SCAMP3: variants seen among roughly 807,000 people sequenced by gnomAD.
SCAMP3 encodes the protein secretory carrier-associated membrane protein 3.
Under a neutral mutation model 44.1 loss-of-function variants are expected in SCAMP3, and 30 were observed. The observed-to-expected ratio is 0.68, with a 90% CI of 0.51 to 0.92. SCAMP3 has a LOEUF of 0.92. Ranked by LOEUF, SCAMP3 falls within the 40% of genes least tolerant of loss-of-function variation. The pLI is 0.00. For synonymous variants in SCAMP3, 168 were observed against 171.1 expected, an observed-to-expected ratio of 0.98 and a Z score of 0.14; for missense variants, 394 against 440.0, an observed-to-expected ratio of 0.90 and a Z score of 0.93.
chr1:155,256,462 T>C (rs1672799405), intron 8 of SCAMP3, 43 bp from the exon 9 acceptor site: 4 of 1,553,198 alleles, frequency 2.6e-6, no homozygotes, highest in Middle Eastern at 1.8e-4. Context: ...TTCCAGCCAC[T>C]GGTTCCCCAC....
rs776247433 is a variant in SCAMP3, at chr1:155,257,275, C to T, written c.779+10G>A. ...AGGGAAAGGTGAGGGTGGATAACAG[C>T]CTCACAAACCTGAATCCCCAACCTG... On this transcript the variant is annotated intron_variant, in intron 7 of 8. Transcript: ENST00000302631. 6.4e-7 allele frequency: 1 copy of T among 1,572,076 alleles called. No homozygotes were observed. The highest frequency in any genetic ancestry group is 1.1e-5 in the South Asian group (1 of 90,196).
rs750470397 is a variant in SCAMP3, at chr1:155,257,650, C to T, written c.525G>A (p.Thr175=). ...CGAGGAAGTTCAGGAGAAGAGCCAG[C>T]GTGCTGCCTAAGGGGCAGAGGGACA... is the stretch of plus-strand genomic sequence containing the variant. ...STMYYLWMCS[T]LALLLNFLAC... Residue 175 remains threonine, a synonymous_variant, in exon 6 of 9, where the codon ACG becomes ACA. Coordinates refer to ENST00000302631, the MANE Select transcript of SCAMP3 (RefSeq NM_005698.4). 5.8e-6 allele frequency: 9 copies of T among 1,558,252 alleles called. No individual in the cohort carries two copies. Among genetic ancestry groups the T allele is most frequent in the Admixed American group, 1.9e-5 (1 of 51,984 alleles).
In SCAMP3 at chr1:155,262,128, TCCG is replaced by T. The variant is rs1672984683; in HGVS notation, c.21_23del (p.Gly8del). 1.2e-6 allele frequency: 2 copies of T among 1,613,904 alleles called. No individual in the cohort carries two copies. Among genetic ancestry groups the T allele is most frequent in the Admixed American group, 3.3e-5 (2 of 60,008 alleles). On this transcript the variant is annotated inframe_deletion, in exon 1 of 9. Transcript: ENST00000302631. ...GCTCGCTGGGCTCGGCGAACGGGTT[TCCG>T]CCGTCTCTGCTCTGAGCCATGTTTG...
intron 4 of SCAMP3, 26 bp from the exon 5 acceptor site, chr1:155,258,980 A>G: frequency 1.3e-6 from 2 of 1,592,842 alleles, no homozygotes; most frequent in Non-Finnish European, 1.7e-6. Context: ...AAACAGGTGG[A>G]CCCCAGAAGT....
Position 155,257,906 on chromosome 1 carries a change from G to A in SCAMP3, c.518-249C>T, listed in dbSNP as rs571221826. ...GTCGCGCAGGCTGGAGTGCAGTGGC[G>A]CAATCTCAGCTTACTGCAAGCTCCG... On this transcript the variant is annotated intron_variant, in intron 5 of 8. Transcript: ENST00000302631. Among the ~76,000 whole-genome samples, 12 of 151,036 alleles carry A rather than the reference G, an allele frequency of 7.9e-5. No individual in the cohort carries two copies. The East Asian group carries it at 1.2e-3, about 15-fold the overall frequency.
chr1:155,259,693 G>A (rs1267272504), intron 4 of SCAMP3, among the ~76,000 whole-genome samples: 1 of 151,994 alleles, frequency 6.6e-6, no homozygotes, highest in African/African-American at 2.4e-5. Context: ...CTCCAATTTG[G>A]GGTCCAAGGA....
chr1:155,262,359 G>C lies in SCAMP3; in HGVS notation c.-208C>G, dbSNP rs534675913. On this transcript the variant is annotated 5_prime_UTR_variant, in exon 1 of 9. Transcript: ENST00000302631. Reference sequence around the variant, plus strand: ...GTCTTGTCCAAAAGCTAAGACGAAAGTGCCCCCACGTGATACCTCTAACCC... The same window carrying C: ...GTCTTGTCCAAAAGCTAAGACGAAACTGCCCCCACGTGATACCTCTAACCC... 1.7e-6 allele frequency: 1 copy of C among 575,106 alleles called. No individual in the cohort carries two copies. The highest frequency in any genetic ancestry group is 3.1e-6 in the Non-Finnish European group (1 of 323,576). 35.6% of individuals were successfully genotyped at this position (575,106 alleles called of 1,614,324 possible). A position where few individuals can be genotyped will look rare whatever the true frequency, so the allele number is the denominator to read the frequency against.
chr1:155,258,011 ATT>A (rs61012301), intron 5 of SCAMP3, among the ~76,000 whole-genome samples: 4 of 139,562 alleles, frequency 2.9e-5, no homozygotes, highest in African/African-American at 5.4e-5. Context: ...CGCCCAGCTA[ATT>A]TTTTTTTTTC....
intron 7 of SCAMP3, 29 bp from the exon 8 acceptor site, chr1:155,256,820 A>AG: frequency 6.4e-7 from 1 of 1,574,164 alleles, no homozygotes; most frequent in Non-Finnish European, 8.7e-7. Context: ...ACCAGTGAAG[A>AG]GGGGCTCCTC....
rs773682583 is a variant in SCAMP3, at chr1:155,260,565, G to A, written c.239C>T (p.Pro80Leu). The A allele has an allele frequency of 3.1e-6, 5 of 1,614,174 alleles. No individual in the cohort carries two copies. In the South Asian group the frequency reaches 3.3e-5, roughly 11 times the overall value. Residue 80 changes from proline (P) to leucine (L), a missense_variant, in exon 3 of 9, where the codon CCT becomes CTT. Coordinates refer to ENST00000302631, the MANE Select transcript of SCAMP3 (RefSeq NM_005698.4). ...AGTGCTGTATGAGCCATAGTTCTTAGGTTCTGTGGGGCTGAGCTTTCTCGA... is the reference window on the plus strand; with the variant it reads ...AGTGCTGTATGAGCCATAGTTCTTAAGTTCTGTGGGGCTGAGCTTTCTCGA... ...QPSRKLSPTE[P>L]KNYGSYSTQA...
At position 155,262,272 on chromosome 1, in the gene SCAMP3, G is replaced by C. The variant is rs993835563; in HGVS notation, c.-121C>G. Reference sequence around the variant, plus strand: ...AGTTCGCCCCGCTTCTCTGTGCACGGATTGGTTCCACCGACCGGAAGGGCC... The same window carrying C: ...AGTTCGCCCCGCTTCTCTGTGCACGCATTGGTTCCACCGACCGGAAGGGCC... On this transcript the variant is annotated 5_prime_UTR_variant, in exon 1 of 9. It adds an upstream start codon to the 5' untranslated region. Coordinates refer to ENST00000302631, the MANE Select transcript of SCAMP3 (RefSeq NM_005698.4). The C allele has an allele frequency of 5.5e-6, 5 of 904,956 alleles. No homozygotes were observed. The highest frequency in any genetic ancestry group is 2.7e-5 in the Admixed American group (1 of 37,594). 56.1% of individuals were successfully genotyped at this position (904,956 alleles called of 1,614,324 possible).
In SCAMP3 at chr1:155,256,123, G is replaced by C; in HGVS notation, c.*150C>G. On this transcript the variant is annotated 3_prime_UTR_variant, in exon 9 of 9. Transcript: ENST00000302631. Reference sequence around the variant, plus strand: ...CTAGGTCACAGTGAACTCCCCACACGCCTGTCAGGTTCAGCAGTCATGGCC... The same window carrying C: ...CTAGGTCACAGTGAACTCCCCACACCCCTGTCAGGTTCAGCAGTCATGGCC... The C allele has an allele frequency of 1.4e-6, 1 of 727,470 alleles. No homozygotes were observed. The highest frequency in any genetic ancestry group is 2.2e-6 in the Non-Finnish European group (1 of 464,020). The allele number at this position is 727,470 out of a possible 1,614,324, so 45.1% of individuals were successfully genotyped here. A position where few individuals can be genotyped will look rare whatever the true frequency, so the allele number is the denominator to read the frequency against.
chr1:155,260,778 G>T, intron 2 of SCAMP3, 119 bp from the exon 3 acceptor site: 1 of 872,048 alleles, frequency 1.1e-6, no homozygotes, highest in Non-Finnish European at 1.7e-6. Context: ...TCCCCCATTT[G>T]TTAGGAAGCT....
At chr1:155,257,910 T>A (rs955518603) in intron 5 of SCAMP3, among the ~76,000 whole-genome samples, 1 of 152,056 alleles carries the variant, frequency 6.6e-6, no homozygotes, top group Non-Finnish European at 1.5e-5. Flanking sequence ...AGTGGCGCAA[T>A]CTCAGCTTAC....
At chr1:155,256,483 C>T in intron 8 of SCAMP3, 64 bp from the exon 9 acceptor site, 1 of 1,535,600 alleles carries the variant, frequency 6.5e-7, no homozygotes, top group Non-Finnish European at 8.9e-7. Context: ...CCCAGCCTAA[C>T]AGCATCACTA....
chr1:155,256,641 C>T (rs1314351923), intron 8 of SCAMP3, 33 bp downstream of exon 8: 2 of 1,582,636 alleles, frequency 1.3e-6, no homozygotes, highest in South Asian at 1.1e-5. Flanking sequence ...CATGATCTCA[C>T]CATCCCGGCC....
intron 8 of SCAMP3, 52 bp downstream of exon 8, chr1:155,256,622 C>T: frequency 2.0e-6 from 3 of 1,532,072 alleles, no homozygotes; most frequent in Non-Finnish European, 1.8e-6. Context: ...ACCCACGCCC[C>T]TGGGGACCCA....
Position 155,262,295 on chromosome 1 carries a change from G to T in SCAMP3, c.-144C>A. ...CGGATTGGTTCCACCGACCGGAAGGGCCACAAGGATCCCCGCAGCAGCCGT... is the reference window on the plus strand; with the variant it reads ...CGGATTGGTTCCACCGACCGGAAGGTCCACAAGGATCCCCGCAGCAGCCGT... On this transcript the variant is annotated 5_prime_UTR_variant, in exon 1 of 9. Transcript: ENST00000302631. The T allele has an allele frequency of 1.4e-6, 1 of 714,066 alleles. No homozygotes were observed. The highest frequency in any genetic ancestry group is 2.3e-6 in the Non-Finnish European group (1 of 441,152). 44.2% of individuals were successfully genotyped at this position (714,066 alleles called of 1,614,324 possible). A position where few individuals can be genotyped will look rare whatever the true frequency, so the allele number is the denominator to read the frequency against.
In SCAMP3 at chr1:155,257,518, G is replaced by A; in HGVS notation, c.657C>T (p.Arg219=). 1 of 1,613,236 alleles carries A rather than the reference G, an allele frequency of 6.2e-7. No homozygotes were observed. The highest frequency in any genetic ancestry group is 8.5e-7 in the Non-Finnish European group (1 of 1,179,624). The change falls in exon 6 of 9, where the codon CGC becomes CGT. Residue 219 remains arginine, a synonymous_variant. Transcript: ENST00000302631. ...CTTACCGGAAAGCCTTATACATGGG[G>A]CGGTACCAGCAGACAAAGGAGCAGG... is the stretch of plus-strand genomic sequence containing the variant. ...FTPCSFVCWY[R]PMYKAFRSDS...
Sources: gnomAD v4.1 joint callset for allele counts (sites outside exome capture counted in the v4.1 genomes callset) on GRCh38, gnomAD v4.1.1 for gene constraint, MANE v1.5 for transcripts, NCBI Gene and HGNC (gene_info 2026-07-23, HGNC 2026-07-21) for gene names.